ADGRF5: variants seen among roughly 807,000 people sequenced by gnomAD.
ADGRF5 encodes G-protein coupled receptor 116.
In ADGRF5, 75 loss-of-function variants were observed where a neutral mutation model predicts 132.3. The ratio of observed to expected loss-of-function variants is 0.57; its 90% CI spans 0.47 to 0.69. ADGRF5 has a LOEUF of 0.69. Among genes scored for constraint, ADGRF5 ranks in the 30% least tolerant of loss-of-function variants. ADGRF5 has a pLI of 0.00. For missense variants in ADGRF5, 1,516 were observed against 1,630.6 expected (o/e 0.93, Z 1.21); for synonymous variants, 629 against 597.6 (o/e 1.05, Z -0.77).
chr6:46,911,318 C>T (rs937105788), intron 1 of ADGRF5, among the ~76,000 whole-genome samples: 2 of 152,162 alleles, frequency 1.3e-5, no homozygotes, highest in Non-Finnish European at 2.9e-5. Flanking sequence ...GCTGCTTTTT[C>T]ATAAGTTAAA....
intron 3 of ADGRF5, among the ~76,000 whole-genome samples, chr6:46,894,241 G>T (rs1047593008): frequency 4.6e-5 from 7 of 152,182 alleles, no homozygotes; most frequent in African/African-American, 9.7e-5. Context: ...TGGCAATTTG[G>T]CAGCATTGTC....
At chr6:46,872,058 T>C (rs749214820) in intron 10 of ADGRF5, 45 bp from the exon 11 acceptor site, 7 of 1,397,642 alleles carry the variant, frequency 5.0e-6, no homozygotes, top group Middle Eastern at 1.8e-4. Context: ...GGCTAACTCT[T>C]TTATTTAGTA....
chr6:46,881,340 C>A (rs764967832), intron 8 of ADGRF5, 115 bp downstream of exon 8: 1 of 839,812 alleles, frequency 1.2e-6, no homozygotes, highest in Non-Finnish European at 2.0e-6. Context: ...TACAGAACCC[C>A]CTGTGCCAGG....
rs145403360 is a variant in ADGRF5 at position 46,932,211 on chromosome 6, T to C, written c.-25+22523A>G. On this transcript the variant is annotated intron_variant, in intron 1 of 20. Coordinates refer to the ADGRF5 transcript ENST00000265417. ...AAAGAACAAATTGAACACTCAAGAA[T>C]TGATCATTTAAAAAATATTTTTTGA... is the stretch of plus-strand genomic sequence containing the variant. Among the ~76,000 whole-genome samples the C allele has an allele frequency of 6.8e-4, 104 of 152,234 alleles. 1 individual carries two copies. The East Asian group carries it at 0.014, about 20-fold the overall frequency.
Position 46,878,232 on chromosome 6 carries a change from A to T in ADGRF5, c.1210T>A (p.Trp404Arg). The T allele has an allele frequency of 6.2e-7, 1 of 1,613,060 alleles. No homozygotes were observed. Among genetic ancestry groups the T allele is most frequent in the Non-Finnish European group, 8.5e-7 (1 of 1,179,104 alleles). The change falls in exon 10 of 21, where the codon TGG (tryptophan) becomes AGG (arginine). Residue 404 changes from tryptophan (W) to arginine (R), a missense_variant. Physicochemically the swap from Trp to Arg is moderately radical, Grantham distance 101. Around this residue, in one of 2 missense-constraint regions of ADGRF5, gnomAD observed 945 missense variants for 929.4 expected, o/e 1.02. Coordinates refer to ENST00000283296, the MANE Select transcript of ADGRF5 (RefSeq NM_001098518.2). ...QGNVNWSKVE[W>R]KQEGKINIPG... ...ATATTTATTTTTCCTTCCTGCTTCC[A>T]TTCTACTTTGCTCCAATTAACATTA...
intron 1 of ADGRF5, among the ~76,000 whole-genome samples, chr6:46,917,917 A>C (rs1188485658): frequency 1.3e-5 from 2 of 152,216 alleles, no homozygotes; most frequent in Non-Finnish European, 2.9e-5. Context: ...AAATTCAATC[A>C]AAAAAATTGT....
At chr6:46,887,814 G>A (rs1773208508) in intron 4 of ADGRF5, 1 of 152,400 alleles carries the variant, frequency 6.6e-6, no homozygotes, top group Non-Finnish European at 1.5e-5. Context: ...TTGGAAAAGA[G>A]TTTGCAACCA....
At chr6:46,868,453 C>T (rs1321918913) in intron 12 of ADGRF5, among the ~76,000 whole-genome samples, 1 of 152,200 alleles carries the variant, frequency 6.6e-6, no homozygotes, top group Non-Finnish European at 1.5e-5. Flanking sequence ...TGCATTTCCT[C>T]ACAAAACAAA....
intron 10 of ADGRF5, among the ~76,000 whole-genome samples, chr6:46,876,079 T>C (rs1488517299): frequency 1.3e-5 from 2 of 152,220 alleles, no homozygotes; most frequent in African/African-American, 2.4e-5. Flanking sequence ...TTTTGCTTGA[T>C]TGTGTTCTAC....
At chr6:46,869,206 G>A in intron 11 of ADGRF5, 114 bp from the exon 12 acceptor site, 1 of 1,505,928 alleles carries the variant, frequency 6.6e-7, no homozygotes. Context: ...AAAAAAAAAT[G>A]AACCATCCTG....
At chr6:46,904,961 G>T (rs1464718186) in intron 2 of ADGRF5, among the ~76,000 whole-genome samples, 5 of 152,148 alleles carry the variant, frequency 3.3e-5, no homozygotes, top group Non-Finnish European at 7.4e-5. Flanking sequence ...CAAGAAGATG[G>T]ATTTCACATT....
intron 3 of ADGRF5, among the ~76,000 whole-genome samples, chr6:46,899,573 GA>G: frequency 1.3e-5 from 2 of 152,276 alleles, no homozygotes; most frequent in Middle Eastern, 6.8e-3. Context: ...AAGTGAGTGG[GA>G]AAATTGGAGT....
intron 1 of ADGRF5, among the ~76,000 whole-genome samples, chr6:46,912,513 C>A (rs1209384157): frequency 6.6e-6 from 1 of 151,804 alleles, no homozygotes; most frequent in Non-Finnish European, 1.5e-5. Flanking sequence ...GTGAGGTGAG[C>A]AGAGGCCAGG....
At chr6:46,910,561 G>A (rs1775845663) in intron 1 of ADGRF5, among the ~76,000 whole-genome samples, 2 of 152,084 alleles carry the variant, frequency 1.3e-5, no homozygotes, top group Non-Finnish European at 2.9e-5. Context: ...CATGGAAAAG[G>A]AAGCTTAGAA....
At chr6:46,863,777 T>C (rs1423884940) in intron 14 of ADGRF5, among the ~76,000 whole-genome samples, 1 of 152,154 alleles carries the variant, frequency 6.6e-6, no homozygotes, top group African/African-American at 2.4e-5. Context: ...AAATAAGTAA[T>C]GTTCTACTAG....
chr6:46,902,491 A>G (rs1390093040), intron 2 of ADGRF5, among the ~76,000 whole-genome samples: 1 of 152,322 alleles, frequency 6.6e-6, no homozygotes, highest in East Asian at 1.9e-4. Flanking sequence ...AATGCAGCAT[A>G]TTTCAACTCT....
intron 1 of ADGRF5, among the ~76,000 whole-genome samples, chr6:46,936,343 T>C (rs1777827002): frequency 6.6e-6 from 1 of 152,204 alleles, no homozygotes; most frequent in Admixed American, 6.5e-5. Flanking sequence ...CTGTTGGTCA[T>C]ATGGTGCTGA....
chr6:46,865,605 C>T (rs905579017), intron 13 of ADGRF5, among the ~76,000 whole-genome samples: 1 of 152,236 alleles, frequency 6.6e-6, no homozygotes, highest in Non-Finnish European at 1.5e-5. Context: ...TCTTATTTAT[C>T]TTTCCATCTC....
intron 14 of ADGRF5, among the ~76,000 whole-genome samples, chr6:46,864,274 T>C (rs1770121386): frequency 6.6e-6 from 1 of 152,150 alleles, no homozygotes; most frequent in Admixed American, 6.5e-5. Context: ...ACCTCAAAGA[T>C]ATTATGTGAT....
Sources: gnomAD v4.1 joint callset for allele counts (sites outside exome capture counted in the v4.1 genomes callset) on GRCh38, gnomAD v4.1.1 for gene constraint, gnomAD v4.1.1 regional missense constraint, MANE v1.5 for transcripts, NCBI Gene and HGNC (gene_info 2026-07-23, HGNC 2026-07-21) for gene names.